The following ADAMTS3 variants were observed in gnomAD, a reference collection of about 807,000 sequenced individuals.
ADAMTS3 encodes A disintegrin and metalloproteinase with thrombospondin motifs 3.
A neutral mutation model predicts 129.0 loss-of-function variants in ADAMTS3; 73 were observed. That is an observed-to-expected ratio of 0.57 (90% CI 0.47 to 0.69). The LOEUF is 0.69. ADAMTS3 is among the 30% of genes least tolerant of loss of function. The probability of loss-of-function intolerance (pLI) is 0.00; values close to 1 mark genes in which losing one functional copy is unlikely to be tolerated. For synonymous variants in ADAMTS3, 477 were observed against 510.8 expected (o/e 0.93, Z 0.89); for missense variants, 1,457 against 1,514.5 (o/e 0.96, Z 0.63).
intron 4 of ADAMTS3, among the ~76,000 whole-genome samples, chr4:72,350,478 T>C (rs137949888): frequency 6.6e-6 from 1 of 152,162 alleles, no homozygotes; most frequent in Non-Finnish European, 1.5e-5. Flanking sequence ...GCGTAGTCAG[T>C]AAGTTTAGAT....
intron 3 of ADAMTS3, among the ~76,000 whole-genome samples, chr4:72,462,762 T>C (rs1310116619): frequency 6.6e-6 from 1 of 151,742 alleles, no homozygotes; most frequent in African/African-American, 2.4e-5. Flanking sequence ...AAAAAGAAAA[T>C]ATTTTTGTAG....
At chr4:72,508,595 C>G (rs1720226412) in intron 3 of ADAMTS3, among the ~76,000 whole-genome samples, 1 of 152,010 alleles carries the variant, frequency 6.6e-6, no homozygotes, top group African/African-American at 2.4e-5. Context: ...CTGGCTGATT[C>G]AATCATAAAC....
chr4:72,436,659 T>C (rs912707454), intron 3 of ADAMTS3, among the ~76,000 whole-genome samples: 50 of 152,218 alleles, frequency 3.3e-4, no homozygotes, highest in Admixed American at 7.9e-4. Flanking sequence ...ACATACACTA[T>C]GGAATACTAT....
chr4:72,530,221 T>C (rs1184788076), intron 3 of ADAMTS3, among the ~76,000 whole-genome samples: 2 of 78,312 alleles, frequency 2.6e-5, no homozygotes, highest in South Asian at 4.2e-4. Flanking sequence ...TTTTAATATA[T>C]ATATATTATA....
Position 72,283,543 on chromosome 4 carries a change from C to A in ADAMTS3, c.3211G>T (p.Asp1071Tyr). The A allele has an allele frequency of 1.2e-6, 2 of 1,614,016 alleles. No homozygotes were observed. Among genetic ancestry groups the A allele is most frequent in the Non-Finnish European group, 1.7e-6 (2 of 1,179,960 alleles). The change falls in exon 22 of 22, where the codon GAT (aspartate) becomes TAT (tyrosine). Residue 1071 changes from aspartate to tyrosine, a missense_variant. Physicochemically the swap from Asp to Tyr is radical, Grantham distance 160. Coordinates refer to ENST00000286657, the MANE Select transcript of ADAMTS3 (RefSeq NM_014243.3). The stretch of plus-strand genomic sequence containing the variant: ...AGGTCACTAGGGTTAGAGATGACAT[C>A]ATCATGAGTTTCAGCAGCTTCTAGA... ...YLLEAAETHD[D>Y]VISNPSDLPR... is the part of the protein sequence containing the mutation.
intron 4 of ADAMTS3, among the ~76,000 whole-genome samples, chr4:72,404,805 C>A (rs2109913709): frequency 7.2e-6 from 1 of 139,520 alleles, no homozygotes; most frequent in South Asian, 2.4e-4. Context: ...AACTCAGTAG[C>A]AAAACAAACA....
Position 72,295,767 on chromosome 4 carries a change from A to G in ADAMTS3, c.2610T>C (p.Tyr870=), listed in dbSNP as rs753228327. 5.6e-6 allele frequency: 9 copies of G among 1,612,548 alleles called. No individual in the cohort carries two copies. The highest frequency in any genetic ancestry group is 7.6e-6 in the Non-Finnish European group (9 of 1,178,992). The change falls in exon 19 of 22, where the codon TAT becomes TAC. Residue 870 remains tyrosine (Y), a synonymous_variant. Coordinates refer to ENST00000286657, the MANE Select transcript of ADAMTS3 (RefSeq NM_014243.3). ...TATTATCACTTTTCCTACGGCATCCATATTTAGTGTACTGGAAACCTGGAA... is the reference window on the plus strand; with the variant it reads ...TATTATCACTTTTCCTACGGCATCCGTATTTAGTGTACTGGAAACCTGGAA... ...PCGGGFQYTK[Y]GCRRKSDNKM...
At chr4:72,467,962 T>C (rs1718965055) in intron 3 of ADAMTS3, among the ~76,000 whole-genome samples, 1 of 151,798 alleles carries the variant, frequency 6.6e-6, no homozygotes. Context: ...TATTATATCA[T>C]ATATGCCTGT....
chr4:72,561,678 ACTAT>A (rs1180319751), intron 2 of ADAMTS3, among the ~76,000 whole-genome samples: 7 of 152,364 alleles, frequency 4.6e-5, no homozygotes, highest in Non-Finnish European at 8.8e-5. Flanking sequence ...AATGTGATTT[ACTAT>A]CTAAGACCAC....
chr4:72,422,438 T>C (rs1722470495), intron 3 of ADAMTS3, among the ~76,000 whole-genome samples: 1 of 152,148 alleles, frequency 6.6e-6, no homozygotes, highest in Non-Finnish European at 1.5e-5. Context: ...ACTAATTTTT[T>C]TTAAATATTT....
intron 5 of ADAMTS3, among the ~76,000 whole-genome samples, chr4:72,333,848 C>CTTTTTTTTTT (rs6148516): frequency 1.0e-4 from 10 of 99,466 alleles, no homozygotes; most frequent in African/African-American, 3.5e-4. Context: ...TGTTTGCTTG[C>CTTTTTTTTTT]TTTTTTTTTT....
At chr4:72,437,390 G>A (rs964413901) in intron 3 of ADAMTS3, among the ~76,000 whole-genome samples, 2 of 151,734 alleles carry the variant, frequency 1.3e-5, no homozygotes, top group African/African-American at 4.8e-5. Context: ...TATTTTCAAA[G>A]TAACTGAATG....
At chr4:72,286,751 G>T (rs1718515896) in intron 21 of ADAMTS3, among the ~76,000 whole-genome samples, 1 of 152,084 alleles carries the variant, frequency 6.6e-6, no homozygotes, top group Non-Finnish European at 1.5e-5. Flanking sequence ...GATGGGGATG[G>T]GTGGGCTAGG....
At chr4:72,392,046 A>G (rs1243552140) in intron 4 of ADAMTS3, among the ~76,000 whole-genome samples, 1 of 152,224 alleles carries the variant, frequency 6.6e-6, no homozygotes, top group Non-Finnish European at 1.5e-5. Flanking sequence ...TGAGCACATG[A>G]GTATAAAGAT....
At chr4:72,441,116 A>G (rs1184840785) in intron 3 of ADAMTS3, among the ~76,000 whole-genome samples, 1 of 151,710 alleles carries the variant, frequency 6.6e-6, no homozygotes. Flanking sequence ...CTAACATCAT[A>G]GATTGTTTTT....
intron 3 of ADAMTS3, among the ~76,000 whole-genome samples, chr4:72,446,373 A>G (rs1192741192): frequency 6.6e-6 from 1 of 151,698 alleles, no homozygotes; most frequent in African/African-American, 2.4e-5. Flanking sequence ...AGACCTCAAT[A>G]GGACTGGATC....
chr4:72,537,709 T>C (rs1721217174), intron 3 of ADAMTS3, among the ~76,000 whole-genome samples: 12 of 152,134 alleles, frequency 7.9e-5, no homozygotes. Context: ...AGAAGCTCAA[T>C]TTAAAACCAA....
chr4:72,437,422 C>T (rs766990022), intron 3 of ADAMTS3, among the ~76,000 whole-genome samples: 2 of 151,696 alleles, frequency 1.3e-5, no homozygotes, highest in African/African-American at 2.4e-5. Flanking sequence ...AGGCTCTGTA[C>T]CAATTTATTG....
rs202047011 is a variant in ADAMTS3 at position 72,303,292 on chromosome 4, T to TGTGC, written c.2424+621_2424+624dup. Among the ~76,000 whole-genome samples, 1,491 of 152,058 alleles carry TGTGC rather than the reference T, an allele frequency of 9.8e-3. 32 individuals carry two copies. Among genetic ancestry groups the TGTGC allele is most frequent in the African/African-American group, 0.034 (1,407 of 41,494 alleles). On this transcript the variant is annotated intron_variant, in intron 17 of 21. Transcript: ENST00000286657. ...AGGCCTAGCCCAAATAAAGTGTGTGTGTGCTACTGCCACCTTGTGGCCATA... is the reference window on the plus strand; with the variant it reads ...AGGCCTAGCCCAAATAAAGTGTGTGTGTGCGTGCTACTGCCACCTTGTGGCCATA...
Sources: allele counts gnomAD v4.1 joint callset (sites outside exome capture counted in the v4.1 genomes callset), GRCh38; gene constraint gnomAD v4.1.1; transcripts MANE v1.5; gene names NCBI Gene and HGNC (gene_info 2026-07-23, HGNC 2026-07-21).